Variants in EXPH5 observed in about 807,000 individuals in gnomAD.
EXPH5 encodes the protein exophilin-5.
Under a neutral mutation model 41.1 loss-of-function variants are expected in EXPH5, and 42 were observed. The observed-to-expected ratio is 1.02, with a 90% confidence interval of 0.80 to 1.32. EXPH5 has a LOEUF of 1.32. Ranked by LOEUF, EXPH5 falls within the 40% of genes most tolerant of loss-of-function variation. The pLI is 0.00. For missense variants in EXPH5, 2,298 were observed against 2,314.5 expected (o/e 0.99, Z 0.15); for synonymous variants, 798 against 833.5 (o/e 0.96, Z 0.73).
chr11:108,547,558 ATATCACT>A lies in EXPH5; in HGVS notation c.120-5753_120-5747del, dbSNP rs577292374. The stretch of plus-strand genomic sequence containing the variant: ...ACATACTACCAAAATAACTGTACCA[ATATCACT>A]TATGCCAGCAATGTACAAGTCTGCC... On this transcript the variant is annotated intron_variant, in intron 1 of 5. Coordinates refer to ENST00000265843, the MANE Select transcript of EXPH5 (RefSeq NM_015065.3). Among the ~76,000 whole-genome samples, 11 of 152,232 alleles carry A rather than the reference ATATCACT, an allele frequency of 7.2e-5. No homozygotes were observed. In the South Asian group the frequency reaches 2.1e-3, roughly 29 times the overall value.
chr11:108,578,270 C>T (rs938798246), intron 1 of EXPH5, among the ~76,000 whole-genome samples: 1 of 152,172 alleles, frequency 6.6e-6, no homozygotes, highest in Non-Finnish European at 1.5e-5. Context: ...TCAGTTTTCC[C>T]AGCACCATCC....
At chr11:108,592,133 A>G (rs1378880538) in intron 1 of EXPH5, among the ~76,000 whole-genome samples, 1 of 152,058 alleles carries the variant, frequency 6.6e-6, no homozygotes, top group African/African-American at 2.4e-5. Flanking sequence ...GGTGTGGCAT[A>G]CTGTTCTCCT....
Position 108,510,325 on chromosome 11 carries a change from C to A in EXPH5, c.5182G>T (p.Glu1728Ter). Residue 1728 changes from glutamate (E) to a stop codon, truncating the protein, a stop_gained, in exon 6 of 6, where the codon GAA becomes TAA. Coordinates refer to ENST00000265843, the MANE Select transcript of EXPH5 (RefSeq NM_015065.3). LOFTEE classifies it low-confidence loss of function (END_TRUNC). ...GTGATGGGTGATGGGGCTCCTGATT[C>A]TCTTACTAAATTCTGAGCTGCTGTG... is the stretch of plus-strand genomic sequence containing the variant. ...DVTAAQNLVR[E>*]SGAPSPITFT... is the part of the protein sequence containing the mutation. 1 of 1,614,064 alleles carries A rather than the reference C, an allele frequency of 6.2e-7. No individual in the cohort carries two copies.
chr11:108,596,403 G>A (rs923410729), upstream of EXPH5, among the ~76,000 whole-genome samples: 2 of 152,142 alleles, frequency 1.3e-5, no homozygotes, highest in African/African-American at 2.4e-5. Context: ...TAAAAAGGAG[G>A]ATTAAGAAAG....
chr11:108,537,564 C>A (rs1434289293), intron 3 of EXPH5, among the ~76,000 whole-genome samples: 1 of 152,200 alleles, frequency 6.6e-6, no homozygotes, highest in African/African-American at 2.4e-5. Context: ...AGGACATTTG[C>A]TAAACAGAAT....
chr11:108,585,022 G>A (rs1454348433), intron 1 of EXPH5, among the ~76,000 whole-genome samples: 3 of 152,034 alleles, frequency 2.0e-5, no homozygotes, highest in African/African-American at 7.2e-5. Flanking sequence ...ACTTGTATCT[G>A]GAATATATAA....
At chr11:108,565,465 CT>C in intron 1 of EXPH5, among the ~76,000 whole-genome samples, 1 of 152,202 alleles carries the variant, frequency 6.6e-6, no homozygotes, top group East Asian at 1.9e-4. Context: ...TGGTTGTTTG[CT>C]TCCTATTGCT....
In EXPH5 at chr11:108,511,066, G is replaced by C. The variant is rs768150921; in HGVS notation, c.4441C>G (p.Pro1481Ala). The C allele has an allele frequency of 1.3e-5, 21 of 1,613,950 alleles. No individual in the cohort carries two copies. The South Asian group carries it at 2.3e-4, about 18-fold the overall frequency. ...CCAATGTCCCCTCTGCCTTCCCTAG[G>C]CTGTGATCCACTGGAGCCATCACCT... ...AVGDGSSGSQ[P>A]REGRGDIGTN... Residue 1481 changes from proline to alanine, a missense_variant, in exon 6 of 6, where the codon CCT (proline) becomes GCT (alanine). Transcript: ENST00000265843.
At chr11:108,603,737 T>C in the EXPH5 span, among the ~76,000 whole-genome samples, 1 of 152,190 alleles carries the variant, frequency 6.6e-6, no homozygotes, top group Non-Finnish European at 1.5e-5. Context: ...ATACAACCAC[T>C]CTGTTCTGAT....
intron 1 of EXPH5, among the ~76,000 whole-genome samples, chr11:108,589,928 T>C (rs2094123473): frequency 6.6e-6 from 1 of 152,230 alleles, no homozygotes; most frequent in Non-Finnish European, 1.5e-5. Flanking sequence ...ATAACATGTT[T>C]AGTACAGTGC....
the EXPH5 span, among the ~76,000 whole-genome samples, chr11:108,605,826 A>G: frequency 1.3e-5 from 2 of 152,252 alleles, no homozygotes; most frequent in African/African-American, 4.8e-5. Flanking sequence ...TCAGCAGCAG[A>G]GGCAGGACTG....
At chr11:108,551,174 G>A (rs1250606519) in intron 1 of EXPH5, among the ~76,000 whole-genome samples, 3 of 152,162 alleles carry the variant, frequency 2.0e-5, no homozygotes, top group Non-Finnish European at 4.4e-5. Context: ...GCCGAACTGA[G>A]ACGCGAACCC....
In EXPH5 at chr11:108,506,304, A is replaced by G. The variant is rs940568384; in HGVS notation, c.*3233T>C. The G allele has an allele frequency of 6.6e-5, 10 of 152,268 alleles. No individual in the cohort carries two copies. The highest frequency in any genetic ancestry group is 2.2e-4 in the African/African-American group (9 of 41,460). 9.4% of individuals were successfully genotyped at this position (152,268 alleles called of 1,614,324 possible). ...TCTTTAACAAGTGCTTTATAAAAGT[A>G]TAAAATTATAAAAGGTGCTATTTTC... is the stretch of plus-strand genomic sequence containing the variant. On this transcript the variant is annotated 3_prime_UTR_variant, in exon 6 of 6. Coordinates refer to ENST00000265843, the MANE Select transcript of EXPH5 (RefSeq NM_015065.3).
At chr11:108,547,139 A>C (rs1418207751) in intron 1 of EXPH5, among the ~76,000 whole-genome samples, 1 of 152,068 alleles carries the variant, frequency 6.6e-6, no homozygotes, top group Non-Finnish European at 1.5e-5. Context: ...GCCAGACACT[A>C]AAGTAGAATG....
chr11:108,593,850 T>TCTCGTCCCGTCCCTCGTCCCGTCC (rs1184536204), upstream of EXPH5: 1 of 1,040,038 alleles, frequency 9.6e-7, no homozygotes, highest in African/African-American at 1.6e-5. Context: ...CCCTCCCTCG[T>TCTCGTCCCGTCCCTCGTCCCGTCC]CTCGTCCCGT....
At chr11:108,602,619 T>A in the EXPH5 span, among the ~76,000 whole-genome samples, 1 of 151,474 alleles carries the variant, frequency 6.6e-6, no homozygotes, top group African/African-American at 2.4e-5. Flanking sequence ...AGATCACAGC[T>A]CACTGCAGCC....
chr11:108,576,831 TTCTA>T (rs927783632), intron 1 of EXPH5, among the ~76,000 whole-genome samples: 5 of 152,174 alleles, frequency 3.3e-5, no homozygotes, highest in Admixed American at 6.5e-5. Context: ...ATATTATTCC[TTCTA>T]TCTAACTGTA....
intron 1 of EXPH5, among the ~76,000 whole-genome samples, chr11:108,567,516 A>C (rs2094039675): frequency 6.6e-6 from 1 of 152,192 alleles, no homozygotes; most frequent in South Asian, 2.1e-4. Flanking sequence ...TTAAGTACTT[A>C]GTCATGCGTA....
intron 1 of EXPH5, among the ~76,000 whole-genome samples, chr11:108,573,997 G>T (rs1335915953): frequency 6.6e-6 from 1 of 152,030 alleles, no homozygotes; most frequent in Non-Finnish European, 1.5e-5. Context: ...CGCCTCCCGG[G>T]TTCACACCAT....
Sources: gnomAD v4.1 joint callset for allele counts (sites outside exome capture counted in the v4.1 genomes callset) on GRCh38, gnomAD v4.1.1 for gene constraint, MANE v1.5 for transcripts, NCBI Gene and HGNC (gene_info 2026-07-23, HGNC 2026-07-21) for gene names.